The following PPFIA2 variants were observed in gnomAD, a reference collection of about 807,000 sequenced individuals.
The protein encoded by PPFIA2 is PPFI scaffold protein A2, also known as liprin-alpha-2.
A neutral mutation model predicts 175.5 loss-of-function variants in PPFIA2; 46 were observed. The ratio of observed to expected loss-of-function variants is 0.26; its 90% CI spans 0.21 to 0.34. The LOEUF (loss-of-function observed/expected upper bound fraction) is 0.34, where lower values mean the gene tolerates loss of function less well. PPFIA2 is among the 10% of genes least tolerant of loss of function. The probability of loss-of-function intolerance (pLI) is 1.00; values close to 1 mark genes in which losing one functional copy is unlikely to be tolerated. For synonymous variants in PPFIA2, 568 were observed against 511.4 expected, an observed-to-expected ratio of 1.11 and a Z score of -1.49; for missense variants, 1,179 against 1,506.1, an observed-to-expected ratio of 0.78 and a Z score of 3.60.
chr12:81,271,802 TTA>T, intron 28 of PPFIA2, among the ~76,000 whole-genome samples: 1 of 152,292 alleles, frequency 6.6e-6, no homozygotes, highest in Middle Eastern at 3.4e-3. Context: ...TTTACTATTA[TTA>T]TGACATTTAC....
chr12:81,626,554 G>C (rs2153489195), intron 4 of PPFIA2, among the ~76,000 whole-genome samples: 2 of 152,142 alleles, frequency 1.3e-5, no homozygotes, highest in South Asian at 2.1e-4. Flanking sequence ...TCACCCTGCA[G>C]TATGTCTGGT....
intron 4 of PPFIA2, among the ~76,000 whole-genome samples, chr12:81,514,441 C>A (rs534396175): frequency 6.6e-6 from 1 of 152,014 alleles, no homozygotes; most frequent in South Asian, 2.1e-4. Flanking sequence ...CTTCTGTAAT[C>A]ATCTGAGCAA....
chr12:81,579,193 C>A (rs1035446281), intron 4 of PPFIA2, among the ~76,000 whole-genome samples: 29 of 151,588 alleles, frequency 1.9e-4, no homozygotes, highest in African/African-American at 6.5e-4. Flanking sequence ...TCATAATAGG[C>A]CTTATTATTG....
rs975750298 is a variant in PPFIA2 at position 81,716,781 on chromosome 12, T to C, written c.249+37192A>G. Among the ~76,000 whole-genome samples, 3 of 151,714 alleles carry C rather than the reference T, an allele frequency of 2.0e-5. No homozygotes were observed. In the Admixed American group the frequency reaches 2.0e-4, roughly 10 times the overall value. The stretch of plus-strand genomic sequence containing the variant: ...TAAAATTATTACTTCTGTTAGCAGA[T>C]TTGTGCTAAAAATGTCTTCCTAGGT... On this transcript the variant is annotated intron_variant, in intron 3 of 32. Transcript: ENST00000549396.
At chr12:81,515,925 C>G (rs1463583353) in intron 4 of PPFIA2, among the ~76,000 whole-genome samples, 1 of 151,908 alleles carries the variant, frequency 6.6e-6, no homozygotes, top group East Asian at 1.9e-4. Flanking sequence ...TCCACTATAC[C>G]AGCACATCAT....
At chr12:81,727,655 G>C (rs1039942359) in intron 3 of PPFIA2, among the ~76,000 whole-genome samples, 1 of 151,218 alleles carries the variant, frequency 6.6e-6, no homozygotes, top group African/African-American at 2.4e-5. Context: ...CATTTGAGAG[G>C]CTGTGGTTTA....
intron 4 of PPFIA2, among the ~76,000 whole-genome samples, chr12:81,484,484 A>G (rs1162200875): frequency 6.6e-6 from 1 of 152,040 alleles, no homozygotes; most frequent in East Asian, 1.9e-4. Context: ...TTCATGTTGT[A>G]CAATAATATT....
chr12:81,431,118 A>C (rs1044634492), intron 7 of PPFIA2: 1 of 152,206 alleles, frequency 6.6e-6, no homozygotes, highest in African/African-American at 2.4e-5. Context: ...TTTTATGTAT[A>C]ATGTAATCAT....
At chr12:81,315,155 T>C (rs1200352037) in intron 22 of PPFIA2, among the ~76,000 whole-genome samples, 1 of 151,784 alleles carries the variant, frequency 6.6e-6, no homozygotes, top group Non-Finnish European at 1.5e-5. Context: ...AGATTCAAGT[T>C]TGAGGAGAGT....
chr12:81,336,699 C>G (rs1417173508), intron 21 of PPFIA2, among the ~76,000 whole-genome samples: 1 of 152,078 alleles, frequency 6.6e-6, no homozygotes, highest in Non-Finnish European at 1.5e-5. Flanking sequence ...TTGAGTTAAA[C>G]CTTTTAAGAG....
intron 4 of PPFIA2, among the ~76,000 whole-genome samples, chr12:81,540,944 C>A (rs1285582667): frequency 1.3e-5 from 2 of 152,100 alleles, no homozygotes; most frequent in Middle Eastern, 3.4e-3. Flanking sequence ...CCTCCGCATT[C>A]CATTTCTCTT....
intron 8 of PPFIA2, among the ~76,000 whole-genome samples, chr12:81,399,995 A>G (rs559878128): frequency 6.6e-6 from 1 of 152,312 alleles, no homozygotes; most frequent in East Asian, 1.9e-4. Context: ...TGAACACAAA[A>G]AAATGAACAA....
intron 21 of PPFIA2, among the ~76,000 whole-genome samples, chr12:81,329,274 T>C (rs749311639): frequency 1.3e-5 from 2 of 152,176 alleles, no homozygotes; most frequent in East Asian, 1.9e-4. Flanking sequence ...TTGAGTCCCA[T>C]GATTCAGCAG....
At chr12:81,389,242 T>C (rs1450689104) in intron 8 of PPFIA2, among the ~76,000 whole-genome samples, 1 of 150,128 alleles carries the variant, frequency 6.7e-6, no homozygotes, top group Admixed American at 6.7e-5. Context: ...AAATGAACGA[T>C]ATTTATTTTC....
At chr12:81,260,565 A>G (rs1033177046) in intron 32 of PPFIA2, 2 of 152,228 alleles carry the variant, frequency 1.3e-5, no homozygotes, top group Non-Finnish European at 2.9e-5. Context: ...GCCAAATTAT[A>G]TACCATAATT....
At chr12:81,343,943 C>T (rs2058600133) in intron 19 of PPFIA2, among the ~76,000 whole-genome samples, 1 of 152,102 alleles carries the variant, frequency 6.6e-6, no homozygotes, top group Admixed American at 6.6e-5. Flanking sequence ...CCAAACAACT[C>T]ACAGCCCATA....
intron 4 of PPFIA2, among the ~76,000 whole-genome samples, chr12:81,652,322 T>C (rs1024597152): frequency 1.2e-4 from 18 of 150,828 alleles, no homozygotes; most frequent in Admixed American, 8.6e-4. Flanking sequence ...TGAACTATAA[T>C]TGTGGCCTTA....
At chr12:81,676,601 A>C (rs1349914169) in intron 4 of PPFIA2, 190 bp downstream of exon 4, 1 of 369,914 alleles carries the variant, frequency 2.7e-6, no homozygotes, top group Non-Finnish European at 4.8e-6. Context: ...ATGAGTTGTT[A>C]AAACTTTTTA....
intron 16 of PPFIA2, among the ~76,000 whole-genome samples, chr12:81,355,615 C>G (rs2060751055): frequency 6.6e-6 from 1 of 152,198 alleles, no homozygotes; most frequent in Admixed American, 6.5e-5. Context: ...ATTATCGTAG[C>G]TAGATCTTCT....
Sources: gnomAD v4.1 joint callset for allele counts (sites outside exome capture counted in the v4.1 genomes callset) on GRCh38, gnomAD v4.1.1 for gene constraint, MANE v1.5 for transcripts, NCBI Gene and HGNC (gene_info 2026-07-23, HGNC 2026-07-21) for gene names.